LARGE1: variants seen among roughly 807,000 people sequenced by gnomAD.
LARGE1 encodes LARGE xylosyl- and glucuronyltransferase 1, also known as xylosyl- and glucuronyltransferase LARGE1.
LARGE1 carries 43 observed loss-of-function variants against 87.6 expected under a neutral mutation model. That is an observed-to-expected ratio of 0.49 (90% CI 0.38 to 0.63). The LOEUF (loss-of-function observed/expected upper bound fraction) is 0.63. Among genes scored for constraint, LARGE1 ranks in the 30% least tolerant of loss-of-function variants. The pLI, the probability that LARGE1 is intolerant of heterozygous loss-of-function variation, is 0.00. For missense variants in LARGE1, 802 were observed against 1,000.2 expected (o/e 0.80, Z 2.67); for synonymous variants, 434 against 394.6 (o/e 1.10, Z -1.18).
intron 1 of LARGE1, among the ~76,000 whole-genome samples, chr22:33,882,757 C>T (rs1360973102): frequency 6.6e-6 from 1 of 152,212 alleles, no homozygotes; most frequent in African/African-American, 2.4e-5. Context: ...GCATCCCCTG[C>T]TTACATAAAT....
intron 2 of LARGE1, among the ~76,000 whole-genome samples, chr22:33,748,459 CA>C (rs1363642743): frequency 6.6e-6 from 1 of 152,190 alleles, no homozygotes; most frequent in Non-Finnish European, 1.5e-5. Flanking sequence ...TCCAGAAGTA[CA>C]GTCAACATAT....
intron 2 of LARGE1, among the ~76,000 whole-genome samples, chr22:33,731,726 TAATA>T (rs1250678912): frequency 2.6e-5 from 4 of 152,156 alleles, no homozygotes; most frequent in Non-Finnish European, 2.9e-5. Context: ...CTATCACTAA[TAATA>T]AATAAAGAGG....
intron 11 of LARGE1, among the ~76,000 whole-genome samples, chr22:33,237,714 T>A (rs1304732788): frequency 1.3e-5 from 2 of 152,170 alleles, no homozygotes; most frequent in African/African-American, 4.8e-5. Flanking sequence ...CAGAAAGCAA[T>A]TCCACTCTTC....
chr22:33,231,026 A>G (rs1420045389), intron 11 of LARGE1, among the ~76,000 whole-genome samples: 1 of 152,248 alleles, frequency 6.6e-6, no homozygotes, highest in Non-Finnish European at 1.5e-5. Flanking sequence ...TAACCTTTAA[A>G]AAAGTCACAT....
chr22:33,377,588 C>G (rs1270701377), intron 9 of LARGE1, among the ~76,000 whole-genome samples: 1 of 152,124 alleles, frequency 6.6e-6, no homozygotes, highest in African/African-American at 2.4e-5. Flanking sequence ...GCAGAAAATT[C>G]TCTTTGTTAT....
chr22:33,791,801 C>A (rs2085832006), intron 1 of LARGE1, among the ~76,000 whole-genome samples: 1 of 152,188 alleles, frequency 6.6e-6, no homozygotes, highest in African/African-American at 2.4e-5. Context: ...AGTGCCATTG[C>A]TACTCATATT....
intron 6 of LARGE1, among the ~76,000 whole-genome samples, chr22:33,471,778 T>C (rs2068852210): frequency 6.6e-6 from 1 of 152,106 alleles, no homozygotes; most frequent in African/African-American, 2.4e-5. Flanking sequence ...CTCACCCCTG[T>C]AATCCCAGCA....
intron 2 of LARGE1, among the ~76,000 whole-genome samples, chr22:33,731,256 G>GCCTC (rs2083458286): frequency 6.6e-6 from 1 of 151,642 alleles, no homozygotes; most frequent in Admixed American, 6.6e-5. Flanking sequence ...GCCCACCTCA[G>GCCTC]CCTCCCAAAG....
intron 5 of LARGE1, among the ~76,000 whole-genome samples, chr22:33,571,331 G>A (rs765486539): frequency 2.0e-5 from 3 of 152,088 alleles, no homozygotes; most frequent in Non-Finnish European, 4.4e-5. Flanking sequence ...TCTATGAGGC[G>A]GTGTAAGTGA....
At chr22:33,432,306 C>A in intron 6 of LARGE1, 41 bp from the exon 7 acceptor site, 1 of 1,469,838 alleles carries the variant, frequency 6.8e-7, no homozygotes, top group African/African-American at 1.4e-5. Flanking sequence ...AAAGGAGAAG[C>A]CAAGCCATCT....
At chr22:33,161,284 T>C (rs1412105146), downstream of LARGE1, among the ~76,000 whole-genome samples, 1 of 152,148 alleles carries the variant, frequency 6.6e-6, no homozygotes, top group Non-Finnish European at 1.5e-5. Context: ...GAATTCAAGA[T>C]GAGATTTGGG....
At chr22:33,731,356 T>C (rs1018958846) in intron 2 of LARGE1, among the ~76,000 whole-genome samples, 1 of 152,080 alleles carries the variant, frequency 6.6e-6, no homozygotes, top group Non-Finnish European at 1.5e-5. Flanking sequence ...GATAGTGATA[T>C]TGGGGCAAAA....
At chr22:33,563,993 T>C (rs2077945114) in intron 6 of LARGE1, among the ~76,000 whole-genome samples, 3 of 152,302 alleles carry the variant, frequency 2.0e-5, no homozygotes, top group Middle Eastern at 3.4e-3. Flanking sequence ...TGCTGGGATT[T>C]AAAATCATTA....
intron 2 of LARGE1, among the ~76,000 whole-genome samples, chr22:33,656,336 TA>T (rs549413649): frequency 1.5e-3 from 227 of 152,284 alleles, no homozygotes; most frequent in African/African-American, 5.1e-3. Context: ...GTTTCCCTTA[TA>T]AAACCATTGG....
At chr22:33,149,654 A>G in the LARGE1 span, among the ~76,000 whole-genome samples, 1 of 152,230 alleles carries the variant, frequency 6.6e-6, no homozygotes, top group Non-Finnish European at 1.5e-5. Flanking sequence ...ACTCTTTCAT[A>G]AAGCTGAAAT....
At chr22:33,382,148 C>T (rs1038653162) in intron 8 of LARGE1, 104 bp from the exon 9 acceptor site, 18 of 1,468,916 alleles carry the variant, frequency 1.2e-5, no homozygotes, top group Non-Finnish European at 1.5e-5. Context: ...TTCTCTTGAA[C>T]CTCCTGCTCT....
chr22:33,178,294 G>A (rs1568961105), intron 11 of LARGE1, among the ~76,000 whole-genome samples: 1 of 152,240 alleles, frequency 6.6e-6, no homozygotes, highest in East Asian at 1.9e-4. Flanking sequence ...GCAGCCCCTT[G>A]CCTTAAAGGA....
At chr22:33,208,460 A>C (rs556961833) in intron 11 of LARGE1, among the ~76,000 whole-genome samples, 6 of 152,342 alleles carry the variant, frequency 3.9e-5, no homozygotes, top group African/African-American at 1.4e-4. Flanking sequence ...TACTCATTGT[A>C]GTCACTGCAT....
chr22:33,109,773 G>A, the LARGE1 span, among the ~76,000 whole-genome samples: 1 of 152,094 alleles, frequency 6.6e-6, no homozygotes, highest in Non-Finnish European at 1.5e-5. Context: ...CTGCAATAAT[G>A]AGTTCACTGG....
Sources: gnomAD v4.1 joint callset for allele counts (sites outside exome capture counted in the v4.1 genomes callset) on GRCh38, gnomAD v4.1.1 for gene constraint, MANE v1.5 for transcripts, NCBI Gene and HGNC (gene_info 2026-07-23, HGNC 2026-07-21) for gene names.